LINGO2: variants seen among roughly 807,000 people sequenced by gnomAD.
LINGO2 encodes the protein leucine rich repeat and Ig domain containing 2.
LINGO2 carries 14 observed loss-of-function variants against 30.6 expected under a neutral mutation model. The observed-to-expected ratio is 0.46, with a 90% CI of 0.30 to 0.72. LINGO2 has a LOEUF of 0.72. Ranked by LOEUF, LINGO2 falls within the 30% of genes least tolerant of loss-of-function variation. The pLI is 0.07. For synonymous variants in LINGO2, 317 were observed against 288.5 expected (o/e 1.10, Z -1.00); for missense variants, 729 against 751.7 (o/e 0.97, Z 0.35).
At chr9:28,746,289 C>G in the LINGO2 span, among the ~76,000 whole-genome samples, 1 of 152,068 alleles carries the variant, frequency 6.6e-6, no homozygotes, top group African/African-American at 2.4e-5. Context: ...AAAGGCAAAA[C>G]TTGTTTAGTA....
chr9:29,052,790 T>C, the LINGO2 span, among the ~76,000 whole-genome samples: 1 of 152,104 alleles, frequency 6.6e-6, no homozygotes, highest in Admixed American at 6.6e-5. Context: ...CTTGAGGCTA[T>C]CTCCATTCAA....
intron 4 of LINGO2, among the ~76,000 whole-genome samples, chr9:28,255,788 T>A (rs1273649838): frequency 6.6e-6 from 1 of 152,086 alleles, no homozygotes; most frequent in Admixed American, 6.6e-5. Context: ...CTAAATGTGA[T>A]CATATTTGCA....
intron 1 of LINGO2, among the ~76,000 whole-genome samples, chr9:28,645,815 G>A (rs1225506529): frequency 2.0e-5 from 3 of 151,896 alleles, no homozygotes; most frequent in African/African-American, 2.4e-5. Flanking sequence ...GACAAAACAA[G>A]GCAGCCTTCA....
intron 1 of LINGO2, among the ~76,000 whole-genome samples, chr9:28,562,998 G>A (rs1006600520): frequency 1.3e-5 from 2 of 151,908 alleles, no homozygotes; most frequent in Non-Finnish European, 2.9e-5. Flanking sequence ...AGGCGCATGC[G>A]ACCACGCCCT....
At chr9:27,989,610 A>G (rs1354111419) in intron 5 of LINGO2, among the ~76,000 whole-genome samples, 1 of 151,982 alleles carries the variant, frequency 6.6e-6, no homozygotes, top group Non-Finnish European at 1.5e-5. Context: ...CATCATCACC[A>G]TATATATAGA....
At chr9:28,661,345 T>C (rs942318752) in intron 1 of LINGO2, among the ~76,000 whole-genome samples, 5 of 152,072 alleles carry the variant, frequency 3.3e-5, no homozygotes, top group African/African-American at 1.2e-4. Context: ...CATCCTGGAG[T>C]AGCCAGCCTT....
At chr9:27,951,598 G>A (rs1255351320) in intron 5 of LINGO2, among the ~76,000 whole-genome samples, 3 of 152,038 alleles carry the variant, frequency 2.0e-5, no homozygotes, top group African/African-American at 7.2e-5. Context: ...AAATGAGAAG[G>A]GAAATGAGTA....
intron 4 of LINGO2, among the ~76,000 whole-genome samples, chr9:28,064,541 T>C (rs1825254561): frequency 6.6e-6 from 1 of 152,168 alleles, no homozygotes; most frequent in Non-Finnish European, 1.5e-5. Context: ...TCCAGTAAGT[T>C]TGATGAGAAA....
intron 3 of LINGO2, among the ~76,000 whole-genome samples, chr9:28,315,001 C>G (rs1424175189): frequency 1.8e-5 from 2 of 112,888 alleles, no homozygotes; most frequent in Non-Finnish European, 3.6e-5. Flanking sequence ...CAGAGCAAGA[C>G]TACGTCTCAA....
intron 1 of LINGO2, among the ~76,000 whole-genome samples, chr9:28,663,170 T>A (rs116229310): frequency 6.6e-6 from 1 of 152,142 alleles, no homozygotes. Context: ...GTTGTATTTT[T>A]TTTTGTTGTT....
chr9:29,004,471 C>T, the LINGO2 span, among the ~76,000 whole-genome samples: 223 of 151,960 alleles, frequency 1.5e-3, 1 homozygote, highest in African/African-American at 5.1e-3. Context: ...CATTTATTGA[C>T]TATTATGTGG....
At position 28,528,460 on chromosome 9, in the gene LINGO2, C is replaced by T. The variant is rs75158348; in HGVS notation, c.-364-52435G>A. 9.1e-3 allele frequency among the ~76,000 whole-genome samples: 1,383 copies of T among 152,192 alleles called. 34 individuals are homozygous for T. The highest frequency in any genetic ancestry group is 0.084 in the East Asian group (435 of 5,164). On this transcript the variant is annotated intron_variant, in intron 1 of 5. Coordinates refer to ENST00000379992, the Ensembl canonical transcript of LINGO2. The stretch of plus-strand genomic sequence containing the variant: ...CATGCTGGTTTAGTTATTACACAGG[C>T]CAATTTATAATTCTTTCTCAGCTGG...
chr9:28,808,349 T>C, the LINGO2 span, among the ~76,000 whole-genome samples: 1 of 152,210 alleles, frequency 6.6e-6, no homozygotes, highest in Non-Finnish European at 1.5e-5. Context: ...TATGCTACTT[T>C]ATAGTTTTGT....
the LINGO2 span, among the ~76,000 whole-genome samples, chr9:29,030,715 C>T: frequency 3.3e-4 from 51 of 152,264 alleles, no homozygotes; most frequent in Middle Eastern, 3.4e-3. Flanking sequence ...GAAGTATCTA[C>T]AGGGTTTCCC....
chr9:28,553,753 G>A (rs546340225), intron 1 of LINGO2, among the ~76,000 whole-genome samples: 32 of 152,032 alleles, frequency 2.1e-4, no homozygotes, highest in African/African-American at 7.7e-4. Flanking sequence ...AGAGAGAAAG[G>A]TCGGGTTACC....
intron 4 of LINGO2, among the ~76,000 whole-genome samples, chr9:28,255,889 G>A (rs565039474): frequency 4.7e-4 from 72 of 152,134 alleles, no homozygotes; most frequent in African/African-American, 1.6e-3. Context: ...TAACTATCCT[G>A]TGCTTTGTAA....
chr9:28,298,230 C>CT (rs139235390), intron 3 of LINGO2, among the ~76,000 whole-genome samples: 9,599 of 151,798 alleles, frequency 0.063, 389 homozygotes, highest in Middle Eastern at 0.13. Flanking sequence ...TAGTAGGTGA[C>CT]TTTTTTTTAC....
intron 4 of LINGO2, among the ~76,000 whole-genome samples, chr9:28,282,116 T>C (rs1823349095): frequency 6.6e-6 from 1 of 152,098 alleles, no homozygotes; most frequent in Non-Finnish European, 1.5e-5. Flanking sequence ...ACTTGGGAAG[T>C]AGAAAGATAC....
intron 2 of LINGO2, among the ~76,000 whole-genome samples, chr9:28,391,460 G>T (rs1300402771): frequency 1.3e-5 from 2 of 152,084 alleles, no homozygotes; most frequent in Non-Finnish European, 2.9e-5. Flanking sequence ...CCTGTCAAGG[G>T]GATGTGAATC....
Sources: allele counts gnomAD v4.1 joint callset (sites outside exome capture counted in the v4.1 genomes callset), GRCh38; gene constraint gnomAD v4.1.1; transcripts MANE v1.5; gene names NCBI Gene and HGNC (gene_info 2026-07-23, HGNC 2026-07-21).